TEX2: variants seen among roughly 807,000 people sequenced by gnomAD.
TEX2 encodes testis-expressed protein 2.
TEX2 carries 53 observed loss-of-function variants against 106.9 expected under a neutral mutation model. That is an observed-to-expected ratio of 0.50 (90% CI 0.40 to 0.62). The LOEUF (loss-of-function observed/expected upper bound fraction) is 0.62, where lower values mean the gene tolerates loss of function less well. TEX2 is among the 20% of genes least tolerant of loss of function. TEX2 has a pLI of 0.00. For synonymous variants in TEX2, 523 were observed against 534.8 expected, an observed-to-expected ratio of 0.98 and a Z score of 0.30; for missense variants, 1,207 against 1,379.0, an observed-to-expected ratio of 0.88 and a Z score of 1.98.
At chr17:64,198,188 G>A (rs1018835234) in intron 2 of TEX2, among the ~76,000 whole-genome samples, 8 of 151,500 alleles carry the variant, frequency 5.3e-5, no homozygotes, top group Non-Finnish European at 1.0e-4. Context: ...GTTGAGTAGG[G>A]TTTTCTATAA....
In TEX2 at chr17:64,213,226, A is replaced by C; in HGVS notation, c.992T>G (p.Leu331Arg). The C allele has an allele frequency of 9.3e-6, 15 of 1,614,208 alleles. No homozygotes were observed. The highest frequency in any genetic ancestry group is 1.3e-5 in the African/African-American group (1 of 75,048). Reference sequence around the variant, plus strand: ...TTCCAAGTGCCCATTCAAGCTGGACAGATTGGAGAGTTCTGAAGCACTTGA... The same window carrying C: ...TTCCAAGTGCCCATTCAAGCTGGACCGATTGGAGAGTTCTGAAGCACTTGA... Reference protein sequence around the residue: ...LSSSASELSNLSSLNGHLESN... With the variant: ...LSSSASELSNRSSLNGHLESN... Residue 331 changes from leucine to arginine, a missense_variant, in exon 2 of 12, where the codon CTG (leucine) becomes CGG (arginine). This residue lies in a region of TEX2 where 1,067 missense variants were observed against 1,193.6 expected (regional missense o/e 0.89). Coordinates refer to ENST00000584379, the MANE Select transcript of TEX2 (RefSeq NM_001288732.2). The surrounding 1 kb of genome is among the most constrained non-coding windows in gnomAD (Gnocchi z 4.4).
At chr17:64,255,117 G>A (rs1441821357) in intron 1 of TEX2, among the ~76,000 whole-genome samples, 3 of 145,072 alleles carry the variant, frequency 2.1e-5, no homozygotes, top group East Asian at 2.0e-4. Context: ...CCTCCACTTC[G>A]GTCTCCCAAA....
intron 1 of TEX2, among the ~76,000 whole-genome samples, chr17:64,261,770 C>T (rs979815508): frequency 6.6e-6 from 1 of 152,214 alleles, no homozygotes; most frequent in African/African-American, 2.4e-5. Context: ...ACTCTATCCA[C>T]ATCACCTCAG....
Position 64,185,639 on chromosome 17 carries a change from A to T in TEX2, c.2424+2529T>A, listed in dbSNP as rs906707120. Among the ~76,000 whole-genome samples, 5 of 152,158 alleles carry T rather than the reference A, an allele frequency of 3.3e-5. No individual in the cohort carries two copies. Among genetic ancestry groups the T allele is most frequent in the Non-Finnish European group, 7.4e-5 (5 of 68,012 alleles). The stretch of plus-strand genomic sequence containing the variant: ...AAAAAAAGAAAAAAAAAATTTCATC[A>T]GAGGCCAGGCACAGTGGCTCACGCT... On this transcript the variant is annotated intron_variant, in intron 5 of 11. Transcript: ENST00000584379. The surrounding 1 kb of genome is among the most constrained non-coding windows in gnomAD (Gnocchi z 4.0).
intron 1 of TEX2, chr17:64,239,204 A>G (rs1555635464): frequency 6.6e-6 from 1 of 152,260 alleles, no homozygotes; most frequent in African/African-American, 2.4e-5. Context: ...CCTTGGTGCC[A>G]GTCTTCTGCC....
chr17:64,239,376 C>CA (rs2033835988), intron 1 of TEX2: 1 of 152,172 alleles, frequency 6.6e-6, no homozygotes, highest in Admixed American at 6.5e-5. Context: ...TTTACCTAGA[C>CA]ATATAATCAT....
At chr17:64,219,517 T>TAA (rs782037282) in intron 1 of TEX2, among the ~76,000 whole-genome samples, 1 of 137,588 alleles carries the variant, frequency 7.3e-6, no homozygotes, top group East Asian at 2.0e-4. Context: ...TCAAATAAAA[T>TAA]AAAATAAAAT....
chr17:64,262,059 A>C (rs2034296663), intron 1 of TEX2, among the ~76,000 whole-genome samples: 1 of 152,228 alleles, frequency 6.6e-6, no homozygotes, highest in Non-Finnish European at 1.5e-5. Flanking sequence ...CTGGCTCCTG[A>C]AATGACTCCT....
intron 1 of TEX2, among the ~76,000 whole-genome samples, chr17:64,260,182 G>C (rs2034265474): frequency 6.6e-6 from 1 of 152,204 alleles, no homozygotes; most frequent in East Asian, 1.9e-4. Context: ...TCTGGCTCCA[G>C]CAGGAGCACA....
rs144995738 is a variant in TEX2, at chr17:64,187,404, C to T, written c.2424+764G>A. 3.2e-3 allele frequency among the ~76,000 whole-genome samples: 489 copies of T among 152,232 alleles called. 1 individual carries two copies. The highest frequency in any genetic ancestry group is 4.9e-3 in the Non-Finnish European group (333 of 67,998). ...AAATCTTGGCCTCTGCGTTCTCTCACGTCAGCAAATCCAGCCAGCGCCTCC... is the reference window on the plus strand; with the variant it reads ...AAATCTTGGCCTCTGCGTTCTCTCATGTCAGCAAATCCAGCCAGCGCCTCC... On this transcript the variant is annotated intron_variant, in intron 5 of 11. Coordinates refer to ENST00000584379, the MANE Select transcript of TEX2 (RefSeq NM_001288732.2).
At chr17:64,232,766 A>G (rs28717010) in intron 1 of TEX2, among the ~76,000 whole-genome samples, 135 of 152,364 alleles carry the variant, frequency 8.9e-4, no homozygotes, top group African/African-American at 3.1e-3. Flanking sequence ...AAAAGCAAGG[A>G]AACTTGATGG....
At chr17:64,260,572 G>A (rs952749388) in intron 1 of TEX2, among the ~76,000 whole-genome samples, 4 of 152,124 alleles carry the variant, frequency 2.6e-5, no homozygotes, top group Admixed American at 6.5e-5. Flanking sequence ...TCTGAGCCTC[G>A]GTTTCCTCTT....
Position 64,206,986 on chromosome 17 carries a change from C to T in TEX2, c.1644+5588G>A, listed in dbSNP as rs186602626. On this transcript the variant is annotated intron_variant, in intron 2 of 11. Coordinates refer to ENST00000584379, the MANE Select transcript of TEX2 (RefSeq NM_001288732.2). The stretch of plus-strand genomic sequence containing the variant: ...GTCTTTGAGATTAGCTACTACTTGG[C>T]TGCAAATTGGTCTTTTTGGTTTGTC... Among the ~76,000 whole-genome samples the T allele has an allele frequency of 3.5e-3, 530 of 152,314 alleles. 10 individuals carry two copies. The highest frequency in any genetic ancestry group is 0.022 in the Admixed American group (333 of 15,306).
chr17:64,219,613 A>G (rs544231942), intron 1 of TEX2, among the ~76,000 whole-genome samples: 1 of 152,310 alleles, frequency 6.6e-6, no homozygotes, highest in East Asian at 1.9e-4. Flanking sequence ...CAGCCAAAGC[A>G]TGATGTAAGA....
intron 11 of TEX2, chr17:64,150,482 C>T (rs118092149): frequency 2.5e-5 from 4 of 157,224 alleles, no homozygotes; most frequent in Admixed American, 6.5e-5. Flanking sequence ...CAGGGGGCAG[C>T]CTCCCTGCCC....
intron 1 of TEX2, among the ~76,000 whole-genome samples, chr17:64,227,210 G>A (rs2033530045): frequency 6.9e-6 from 1 of 144,322 alleles, no homozygotes; most frequent in Non-Finnish European, 1.5e-5. Flanking sequence ...TGGTGACAGA[G>A]TGAGACTCCG....
chr17:64,182,902 T>C (rs1439006300), intron 5 of TEX2, among the ~76,000 whole-genome samples: 2 of 149,536 alleles, frequency 1.3e-5, no homozygotes, highest in African/African-American at 2.5e-5. Context: ...TTTGCCACTT[T>C]TGTTGTGTTT....
intron 1 of TEX2, among the ~76,000 whole-genome samples, chr17:64,243,177 T>C (rs1487023052): frequency 1.3e-5 from 2 of 152,140 alleles, no homozygotes; most frequent in East Asian, 3.8e-4. Context: ...TCCGCCTGCC[T>C]CGGCCTCTCA....
intron 1 of TEX2, among the ~76,000 whole-genome samples, chr17:64,253,255 C>CA (rs1489417145): frequency 2.6e-5 from 4 of 152,124 alleles, no homozygotes; most frequent in Non-Finnish European, 5.9e-5. Context: ...CCTCCCACCT[C>CA]AGTCTCCCGA....
Sources: gnomAD v4.1 joint callset for allele counts (sites outside exome capture counted in the v4.1 genomes callset) on GRCh38, gnomAD v4.1.1 for gene constraint, gnomAD v4.1.1 regional missense constraint, Gnocchi (gnomAD v3.1) non-coding constraint, MANE v1.5 for transcripts, NCBI Gene and HGNC (gene_info 2026-07-23, HGNC 2026-07-21) for gene names.